Variants in CASQ2 observed in about 807,000 individuals in gnomAD.
CASQ2 encodes calsequestrin-2.
Under a neutral mutation model 46.5 loss-of-function variants are expected in CASQ2, and 49 were observed. That is an observed-to-expected ratio of 1.05 (90% confidence interval 0.84 to 1.34). The LOEUF is 1.34. Ranked by LOEUF, CASQ2 falls within the 40% of genes most tolerant of loss-of-function variation. The pLI is 0.00. For synonymous variants in CASQ2, 174 were observed against 168.5 expected (o/e 1.03, Z -0.25); for missense variants, 486 against 481.3 (o/e 1.01, Z -0.09).
At chr1:115,740,452 C>T (rs1293012761) in intron 3 of CASQ2, among the ~76,000 whole-genome samples, 1 of 152,098 alleles carries the variant, frequency 6.6e-6, no homozygotes, top group Non-Finnish European at 1.5e-5. Flanking sequence ...GGAGCAAAAC[C>T]AAGGAGATTT....
chr1:115,716,829 C>A (rs1250482548), intron 8 of CASQ2, among the ~76,000 whole-genome samples: 3 of 152,166 alleles, frequency 2.0e-5, no homozygotes, highest in Admixed American at 2.0e-4. Context: ...CTTGTTGTCC[C>A]TTCTCTGTTC....
chr1:115,736,235 T>C (rs746107778), intron 4 of CASQ2, among the ~76,000 whole-genome samples: 5 of 151,642 alleles, frequency 3.3e-5, no homozygotes, highest in Non-Finnish European at 7.4e-5. Flanking sequence ...CATATACAAG[T>C]GAAGTCTCTT....
chr1:115,761,488 GAGAA>G (rs1648953735), intron 1 of CASQ2, among the ~76,000 whole-genome samples: 18 of 13,108 alleles, frequency 1.4e-3, no homozygotes, highest in South Asian at 4.2e-3. Flanking sequence ...GAAGAAGAAG[GAGAA>G]GAAGGAGAAG....
At chr1:115,712,182 C>T (rs967924454) in intron 8 of CASQ2, among the ~76,000 whole-genome samples, 1 of 152,212 alleles carries the variant, frequency 6.6e-6, no homozygotes, top group Admixed American at 6.5e-5. Flanking sequence ...GAGCTCTCCT[C>T]TCACAAGATG....
At chr1:115,741,829 C>A (rs10923337) in intron 2 of CASQ2, among the ~76,000 whole-genome samples, 108,093 of 152,094 alleles carry the variant, frequency 0.71, 42,139 homozygotes, top group Non-Finnish European at 0.88. Context: ...GTCCAATTGC[C>A]TGGCATCCTT....
intron 4 of CASQ2, among the ~76,000 whole-genome samples, chr1:115,736,589 A>T (rs1647970345): frequency 6.6e-6 from 1 of 152,130 alleles, no homozygotes; most frequent in Admixed American, 6.5e-5. Context: ...GTGAGCCAAG[A>T]TCATGCCACT....
chr1:115,759,470 T>C (rs1272675150), intron 1 of CASQ2, among the ~76,000 whole-genome samples: 1 of 152,184 alleles, frequency 6.6e-6, no homozygotes, highest in East Asian at 1.9e-4. Flanking sequence ...TGCTTTCTGC[T>C]TTCTGCCATG....
chr1:115,736,109 G>A (rs1048411256), intron 4 of CASQ2, among the ~76,000 whole-genome samples: 3 of 150,124 alleles, frequency 2.0e-5, no homozygotes, highest in African/African-American at 7.4e-5. Context: ...GTTGCAGTGA[G>A]CCGAGATTGC....
chr1:115,744,125 C>T (rs749328306), intron 2 of CASQ2, among the ~76,000 whole-genome samples: 1 of 140,322 alleles, frequency 7.1e-6, no homozygotes, highest in Non-Finnish European at 1.5e-5. Flanking sequence ...GCCTGGGTGA[C>T]AGTGAGAACC....
intron 7 of CASQ2, among the ~76,000 whole-genome samples, chr1:115,722,026 G>A (rs1647394494): frequency 6.6e-6 from 1 of 152,182 alleles, no homozygotes; most frequent in African/African-American, 2.4e-5. Context: ...TGGCTCCTCA[G>A]AGGTCCTTTG....
intron 8 of CASQ2, among the ~76,000 whole-genome samples, chr1:115,710,207 T>C (rs917894955): frequency 2.0e-5 from 3 of 152,188 alleles, no homozygotes; most frequent in African/African-American, 7.2e-5. Flanking sequence ...AACCTTTATT[T>C]TCTGAGTGTC....
chr1:115,713,886 C>G (rs909523136), intron 8 of CASQ2, among the ~76,000 whole-genome samples: 5 of 152,144 alleles, frequency 3.3e-5, no homozygotes, highest in South Asian at 4.1e-4. Flanking sequence ...TTCCTATAAC[C>G]CTGTGATCCC....
chr1:115,708,834 G>C (rs1410793861), intron 8 of CASQ2, among the ~76,000 whole-genome samples: 1 of 152,144 alleles, frequency 6.6e-6, no homozygotes, highest in Non-Finnish European at 1.5e-5. Context: ...GATCCACGTG[G>C]TACATGCTGA....
At chr1:115,740,398 G>T (rs1173762897) in intron 3 of CASQ2, among the ~76,000 whole-genome samples, 5 of 152,034 alleles carry the variant, frequency 3.3e-5, no homozygotes, top group Admixed American at 3.3e-4. Flanking sequence ...TGGCTGGTTA[G>T]CCCCCTCACT....
At chr1:115,738,740 A>G (rs1648051885) in intron 3 of CASQ2, among the ~76,000 whole-genome samples, 2 of 151,906 alleles carry the variant, frequency 1.3e-5, no homozygotes, top group African/African-American at 4.8e-5. Flanking sequence ...TTTGAAATTT[A>G]CTCTTTTAGT....
chr1:115,754,985 G>A (rs1018673068), intron 1 of CASQ2, among the ~76,000 whole-genome samples: 35 of 152,198 alleles, frequency 2.3e-4, no homozygotes, highest in African/African-American at 8.2e-4. Context: ...GCAGGTCTGG[G>A]ATGGGACCCA....
At chr1:115,738,197 A>G (rs1405199828) in intron 4 of CASQ2, 27 bp downstream of exon 4, 1 of 1,367,396 alleles carries the variant, frequency 7.3e-7, no homozygotes, top group Non-Finnish European at 1.0e-6. Flanking sequence ...TTTTAGACTG[A>G]TCGGCTGGGG....
At chr1:115,757,230 G>A (rs570636838) in intron 1 of CASQ2, among the ~76,000 whole-genome samples, 69 of 152,044 alleles carry the variant, frequency 4.5e-4, no homozygotes, top group South Asian at 1.0e-3. Flanking sequence ...TTCTTTTACC[G>A]TCTCACTCCA....
intron 1 of CASQ2, among the ~76,000 whole-genome samples, chr1:115,761,526 GAAGA>G (rs1648961727): frequency 1.2e-5 from 1 of 82,594 alleles, no homozygotes; most frequent in Non-Finnish European, 2.6e-5. Context: ...AGAAGAAGAA[GAAGA>G]GTTCATAAAG....
Sources: gnomAD v4.1 joint callset for allele counts (sites outside exome capture counted in the v4.1 genomes callset) on GRCh38, gnomAD v4.1.1 for gene constraint, MANE v1.5 for transcripts, NCBI Gene and HGNC (gene_info 2026-07-23, HGNC 2026-07-21) for gene names.